Variants in LRRC36 observed in about 807,000 individuals in gnomAD.
The protein encoded by LRRC36 is leucine-rich repeat-containing protein 36.
A neutral mutation model predicts 81.1 loss-of-function variants in LRRC36; 62 were observed. That is an observed-to-expected ratio of 0.76 (90% CI 0.62 to 0.94). The LOEUF (loss-of-function observed/expected upper bound fraction) is 0.94. Among genes scored for constraint, LRRC36 ranks in the 40% least tolerant of loss-of-function variants. LRRC36 has a pLI of 0.00. For missense variants in LRRC36, 761 were observed against 881.7 expected, an observed-to-expected ratio of 0.86 and a Z score of 1.73; for synonymous variants, 334 against 348.6, an observed-to-expected ratio of 0.96 and a Z score of 0.47.
At chr16:67,328,109 G>T (rs1354051449) in intron 1 of LRRC36, among the ~76,000 whole-genome samples, 1 of 152,072 alleles carries the variant, frequency 6.6e-6, no homozygotes, top group Non-Finnish European at 1.5e-5. Flanking sequence ...ATATACTAGA[G>T]CATGTCGGTA....
At chr16:67,347,621 G>C (rs768556061) in intron 4 of LRRC36, 30 bp downstream of exon 4, 2 of 1,542,092 alleles carry the variant, frequency 1.3e-6, no homozygotes, top group South Asian at 2.3e-5. Context: ...AATTTTTAAA[G>C]TTTGGTTCTG....
chr16:67,382,910 A>G (rs919174353), intron 13 of LRRC36, among the ~76,000 whole-genome samples: 7 of 152,094 alleles, frequency 4.6e-5, no homozygotes, highest in African/African-American at 1.7e-4. Context: ...CAAGATCCCC[A>G]GGTGATTTGT....
At chr16:67,351,337 C>T (rs1000486541) in intron 5 of LRRC36, among the ~76,000 whole-genome samples, 5 of 152,066 alleles carry the variant, frequency 3.3e-5, no homozygotes, top group African/African-American at 9.7e-5. Flanking sequence ...TAAGCATTTT[C>T]GGTTTATAAC....
chr16:67,344,667 T>G (rs2038258277), intron 2 of LRRC36, among the ~76,000 whole-genome samples: 1 of 152,112 alleles, frequency 6.6e-6, no homozygotes, highest in Admixed American at 6.6e-5. Context: ...TGCACTGCCC[T>G]GAGAGTGAGG....
At chr16:67,353,415 C>T (rs1266433207) in intron 5 of LRRC36, among the ~76,000 whole-genome samples, 1 of 152,052 alleles carries the variant, frequency 6.6e-6, no homozygotes, top group Admixed American at 6.6e-5. Context: ...GAGACAGAGT[C>T]TCACTGTGTC....
At chr16:67,378,746 C>A in intron 12 of LRRC36, 34 bp downstream of exon 12, 1 of 1,607,220 alleles carries the variant, frequency 6.2e-7, no homozygotes, top group South Asian at 1.1e-5. Context: ...TATGAGGCCT[C>A]TCAAGACAAC....
chr16:67,342,425 G>A, intron 2 of LRRC36, among the ~76,000 whole-genome samples: 1 of 152,148 alleles, frequency 6.6e-6, no homozygotes, highest in East Asian at 1.9e-4. Context: ...GTCTGATTTA[G>A]TAGGTCTAGG....
At chr16:67,351,795 G>A (rs1052234134) in intron 5 of LRRC36, among the ~76,000 whole-genome samples, 1 of 151,906 alleles carries the variant, frequency 6.6e-6, no homozygotes, top group African/African-American at 2.4e-5. Context: ...TTGGGAGTAT[G>A]GATTACTTTA....
At chr16:67,339,259 T>TAAAA (rs57925409) in intron 1 of LRRC36, among the ~76,000 whole-genome samples, 2 of 122,996 alleles carry the variant, frequency 1.6e-5, no homozygotes, top group Non-Finnish European at 3.5e-5. Flanking sequence ...GTTAATACTG[T>TAAAA]AAAAAAAAAA....
intron 1 of LRRC36, among the ~76,000 whole-genome samples, chr16:67,330,547 T>C (rs2037431934): frequency 6.6e-6 from 1 of 152,138 alleles, no homozygotes; most frequent in Non-Finnish European, 1.5e-5. Context: ...CTCAGTATCA[T>C]TATAAACTCA....
intron 9 of LRRC36, among the ~76,000 whole-genome samples, chr16:67,374,732 G>T (rs1206492775): frequency 2.0e-5 from 3 of 152,032 alleles, no homozygotes; most frequent in African/African-American, 7.2e-5. Flanking sequence ...ACAAGATACT[G>T]TTACCTTTGA....
chr16:67,349,812 G>A (rs1187968303), intron 4 of LRRC36, among the ~76,000 whole-genome samples: 3 of 151,788 alleles, frequency 2.0e-5, no homozygotes, highest in Non-Finnish European at 4.4e-5. Flanking sequence ...CCAAACTGGA[G>A]TACAGTGGCG....
In LRRC36 at chr16:67,367,001, C is replaced by T. The variant is rs1362512398; in HGVS notation, c.755-16C>T. The stretch of plus-strand genomic sequence containing the variant: ...ATTCTTATCATGTTTTGTTTTTTTG[C>T]CTTGGTGGTGTTTAGAGTTCAGACA... On this transcript the variant is annotated splice_polypyrimidine_tract_variant and intron_variant, in intron 7 of 13. Coordinates refer to ENST00000329956, the MANE Select transcript of LRRC36 (RefSeq NM_018296.6). 3 of 1,567,682 alleles carry T rather than the reference C, an allele frequency of 1.9e-6. No individual in the cohort carries two copies. The highest frequency in any genetic ancestry group is 2.6e-6 in the Non-Finnish European group (3 of 1,159,614).
intron 11 of LRRC36, among the ~76,000 whole-genome samples, chr16:67,377,400 G>C (rs761283957): frequency 6.6e-6 from 1 of 152,070 alleles, no homozygotes; most frequent in African/African-American, 2.4e-5. Flanking sequence ...GCACGATCTC[G>C]GCTCACTGCA....
In LRRC36 at chr16:67,346,400, G is replaced by A. The variant is rs1393870225; in HGVS notation, c.343G>A (p.Asp115Asn). 1 of 1,613,084 alleles carries A rather than the reference G, an allele frequency of 6.2e-7. No individual in the cohort carries two copies. The highest frequency in any genetic ancestry group is 8.5e-7 in the Non-Finnish European group (1 of 1,179,318). Residue 115 changes from aspartate to asparagine, a missense_variant, in exon 3 of 14, where the codon GAT (aspartate) becomes AAT (asparagine). Around this residue, in one of 3 missense-constraint regions of LRRC36, gnomAD observed 263 missense variants for 279.3 expected, o/e 0.94. Coordinates refer to ENST00000329956, the MANE Select transcript of LRRC36 (RefSeq NM_018296.6). ...RLNPVVRKDTDYRLFAVYTLQ... is the reference protein window; with the variant it reads ...RLNPVVRKDTNYRLFAVYTLQ... ...TAATCCTGTTGTAAGGAAAGATACA[G>A]ATTATAGGCTCTTTGCTGTATATAC...
chr16:67,382,074 C>A, intron 12 of LRRC36, 59 bp from the exon 13 acceptor site: 2 of 1,166,666 alleles, frequency 1.7e-6, no homozygotes, highest in Non-Finnish European at 1.3e-6. Context: ...TACTTATATT[C>A]TGCTCAAAGA....
At position 67,362,254 on chromosome 16, in the gene LRRC36, C is replaced by T. The variant is rs1195208789; in HGVS notation, c.578-1336C>T. 6.7e-6 allele frequency: 3 copies of T among 449,852 alleles called. No individual in the cohort carries two copies. The Admixed American group carries it at 7.2e-5, about 11-fold the overall frequency. The allele number at this position is 449,852 out of a possible 1,614,324, so 27.9% of individuals were successfully genotyped here. A position where few individuals can be genotyped will look rare whatever the true frequency, so the allele number is the denominator to read the frequency against. On this transcript the variant is annotated intron_variant, in intron 5 of 13. Transcript: ENST00000329956. ...CTCGGCTCACTGCAACCTCTACCTC[C>T]TGGGTTCAAGCAGTTCTCCTGCCTC...
At chr16:67,361,561 A>G (rs2039145567) in intron 5 of LRRC36, among the ~76,000 whole-genome samples, 1 of 152,072 alleles carries the variant, frequency 6.6e-6, no homozygotes, top group Non-Finnish European at 1.5e-5. Flanking sequence ...TGAACTGCAA[A>G]ATACTAATGA....
At chr16:67,331,765 A>G (rs1353834027) in intron 1 of LRRC36, among the ~76,000 whole-genome samples, 1 of 151,944 alleles carries the variant, frequency 6.6e-6, no homozygotes, top group Admixed American at 6.6e-5. Flanking sequence ...AGGGGGGTGG[A>G]TCACCTGAGG....
Sources: gnomAD v4.1 joint callset for allele counts (sites outside exome capture counted in the v4.1 genomes callset) on GRCh38, gnomAD v4.1.1 for gene constraint, gnomAD v4.1.1 regional missense constraint, MANE v1.5 for transcripts, NCBI Gene and HGNC (gene_info 2026-07-23, HGNC 2026-07-21) for gene names.